The following DCK variants were observed in gnomAD, a reference collection of about 807,000 sequenced individuals.
The protein encoded by DCK is deoxycytidine kinase, also known as deoxyadenosine kinase.
Under a neutral mutation model 38.3 loss-of-function variants are expected in DCK, and 23 were observed. That is an observed-to-expected ratio of 0.60 (90% CI 0.43 to 0.85). The LOEUF (loss-of-function observed/expected upper bound fraction) is 0.85, where lower values mean the gene tolerates loss of function less well. Among genes scored for constraint, DCK ranks in the 40% least tolerant of loss-of-function variants. The probability of loss-of-function intolerance (pLI) is 0.00; values close to 1 mark genes in which losing one functional copy is unlikely to be tolerated. For synonymous variants in DCK, 108 were observed against 100.6 expected, an observed-to-expected ratio of 1.07 and a Z score of -0.44; for missense variants, 259 against 304.4, an observed-to-expected ratio of 0.85 and a Z score of 1.11.
chr4:71,022,338 TTTTA>T (rs1425220997), intron 2 of DCK, 25 bp from the exon 3 acceptor site: 10 of 1,403,014 alleles, frequency 7.1e-6, no homozygotes, highest in African/African-American at 1.5e-5. Context: ...TAATTTTGCT[TTTTA>T]TTTCTTTTTG....
intron 2 of DCK, among the ~76,000 whole-genome samples, chr4:71,011,517 C>T (rs894619843): frequency 2.0e-4 from 30 of 152,050 alleles, no homozygotes; most frequent in Non-Finnish European, 3.1e-4. Context: ...CCAACATGCC[C>T]GGCTAATTTT....
At chr4:71,011,611 G>A (rs1740092982) in intron 2 of DCK, among the ~76,000 whole-genome samples, 1 of 152,152 alleles carries the variant, frequency 6.6e-6, no homozygotes. Context: ...GCCTGCCTCG[G>A]CCTCCCAAAG....
At chr4:71,016,833 G>C (rs2148917384) in intron 2 of DCK, among the ~76,000 whole-genome samples, 1 of 152,258 alleles carries the variant, frequency 6.6e-6, no homozygotes, top group South Asian at 2.1e-4. Flanking sequence ...AAAAACCCTA[G>C]AAGAAAACCT....
In DCK at chr4:70,993,752, C is replaced by T. The variant is rs1012800657; in HGVS notation, c.-84C>T. 1.2e-5 allele frequency: 11 copies of T among 909,632 alleles called. No individual in the cohort carries two copies. The African/African-American group carries it at 1.3e-4, about 11-fold the overall frequency. 56.3% of individuals were successfully genotyped at this position (909,632 alleles called of 1,614,324 possible). On this transcript the variant is annotated 5_prime_UTR_variant, in exon 1 of 7. Transcript: ENST00000286648. ...GGCAGGTCAGGATCTGGCTTAGCGG[C>T]GCCGCGAGCTCCAGTGCGCGCACCC...
At chr4:70,996,304 C>T (rs1209355928) in intron 1 of DCK, among the ~76,000 whole-genome samples, 4 of 151,846 alleles carry the variant, frequency 2.6e-5, no homozygotes, top group Non-Finnish European at 5.9e-5. Flanking sequence ...TTGAGGCTGC[C>T]GTGAGCTGTG....
intron 2 of DCK, among the ~76,000 whole-genome samples, chr4:71,008,838 A>G (rs1028415210): frequency 2.0e-5 from 3 of 152,242 alleles, no homozygotes; most frequent in Non-Finnish European, 4.4e-5. Flanking sequence ...AATTGAATTT[A>G]GATCAGTTTA....
Position 71,014,787 on chromosome 4 carries a change from T to C in DCK, c.208-7580T>C, listed in dbSNP as rs1740211690. 3.3e-5 allele frequency among the ~76,000 whole-genome samples: 5 copies of C among 152,116 alleles called. No individual in the cohort carries two copies. In the South Asian group the frequency reaches 8.3e-4, roughly 25 times the overall value. On this transcript the variant is annotated intron_variant, in intron 2 of 6. Coordinates refer to ENST00000286648, the MANE Select transcript of DCK (RefSeq NM_000788.3). ...TTTAAAGCAGTGTGTAGAGGGAAAT[T>C]TATAGCACTAAATGCCCACAAGATA...
chr4:71,013,222 A>G (rs1211314916), intron 2 of DCK, among the ~76,000 whole-genome samples: 2 of 152,248 alleles, frequency 1.3e-5, no homozygotes, highest in African/African-American at 2.4e-5. Context: ...AAGAGTAAAA[A>G]GAAATGAACA....
chr4:70,999,184 C>T (rs1011201198), intron 2 of DCK, among the ~76,000 whole-genome samples: 2 of 152,010 alleles, frequency 1.3e-5, no homozygotes, highest in South Asian at 2.1e-4. Flanking sequence ...CCTACCCCAC[C>T]GACAGGCCCT....
chr4:71,006,246 G>T lies in DCK; in HGVS notation c.207+8064G>T, dbSNP rs28715337. The T allele has an allele frequency of 2.5e-3, 1,217 of 492,328 alleles. 8 individuals carry two copies. Among genetic ancestry groups the T allele is most frequent in the African/African-American group, 0.012 (567 of 45,930 alleles). 30.5% of individuals were successfully genotyped at this position (492,328 alleles called of 1,614,324 possible). A position where few individuals can be genotyped will look rare whatever the true frequency, so the allele number is the denominator to read the frequency against. ...CTCATTTCTTTTTACTTTCATTCTT[G>T]CCAGACTTTCACTCTGGGCAGAAGT... On this transcript the variant is annotated intron_variant, in intron 2 of 6. Transcript: ENST00000286648.
Position 71,007,739 on chromosome 4 carries a change from C to T in DCK, c.207+9557C>T, listed in dbSNP as rs1235668445. On this transcript the variant is annotated intron_variant, in intron 2 of 6. Coordinates refer to ENST00000286648, the MANE Select transcript of DCK (RefSeq NM_000788.3). ...TTTAAAAATATTCTTTTTTTTGAGA[C>T]AGGATTTCACTCTGTTGCCCAGGTA... Among the ~76,000 whole-genome samples, 3 of 152,042 alleles carry T rather than the reference C, an allele frequency of 2.0e-5. No homozygotes were observed. In the East Asian group the frequency reaches 5.8e-4, roughly 29 times the overall value.
chr4:70,998,785 G>A (rs1273019691), intron 2 of DCK, among the ~76,000 whole-genome samples: 2 of 151,944 alleles, frequency 1.3e-5, no homozygotes, highest in African/African-American at 2.4e-5. Flanking sequence ...TTAGCTGAAC[G>A]TGGTGGTGGG....
chr4:71,016,645 C>T (rs909515321), intron 2 of DCK, among the ~76,000 whole-genome samples: 5 of 152,170 alleles, frequency 3.3e-5, no homozygotes, highest in African/African-American at 7.2e-5. Flanking sequence ...CTACAACCAT[C>T]TGATCTTTGA....
In DCK at chr4:71,022,324, C is replaced by T. The variant is rs769535869; in HGVS notation, c.208-43C>T. 10 of 1,127,192 alleles carry T rather than the reference C, an allele frequency of 8.9e-6. No individual in the cohort carries two copies. In the African/African-American group the frequency reaches 1.4e-4, roughly 16 times the overall value. 69.8% of individuals were successfully genotyped at this position (1,127,192 alleles called of 1,614,324 possible). A position where few individuals can be genotyped will look rare whatever the true frequency, so the allele number is the denominator to read the frequency against. The stretch of plus-strand genomic sequence containing the variant: ...TTAAAAATTAAAATAGCCCTATTGA[C>T]CATTAATTTTGCTTTTTATTTCTTT... On this transcript the variant is annotated intron_variant, in intron 2 of 6. Coordinates refer to ENST00000286648, the MANE Select transcript of DCK (RefSeq NM_000788.3).
intron 2 of DCK, among the ~76,000 whole-genome samples, chr4:70,998,753 G>T (rs773462722): frequency 1.3e-5 from 2 of 151,990 alleles, no homozygotes; most frequent in Non-Finnish European, 2.9e-5. Context: ...GTGAAATGCC[G>T]TCTCTACTAA....
At chr4:71,028,644 G>A (rs569806471) in intron 6 of DCK, 25 of 441,930 alleles carry the variant, frequency 5.7e-5, no homozygotes, top group South Asian at 3.7e-4. Flanking sequence ...CGCCCAGGCT[G>A]GAGTGCAATG....
At chr4:70,998,208 A>G (rs1448615605) in intron 2 of DCK, 26 bp downstream of exon 2, 4 of 1,184,210 alleles carry the variant, frequency 3.4e-6, no homozygotes, top group Non-Finnish European at 5.0e-6. Context: ...TTAAGTAGAT[A>G]AAAGCCTCTT....
At chr4:71,019,062 A>G (rs1740344512) in intron 2 of DCK, among the ~76,000 whole-genome samples, 1 of 152,180 alleles carries the variant, frequency 6.6e-6, no homozygotes, top group Admixed American at 6.5e-5. Context: ...TCAAAAGAAA[A>G]TGTTTTATAT....
intron 6 of DCK, among the ~76,000 whole-genome samples, chr4:71,027,333 A>G (rs1331508539): frequency 1.3e-5 from 2 of 152,120 alleles, no homozygotes; most frequent in Non-Finnish European, 2.9e-5. Flanking sequence ...GACATTACTT[A>G]ATCATTGAGT....
Sources: gnomAD v4.1 joint callset for allele counts (sites outside exome capture counted in the v4.1 genomes callset) on GRCh38, gnomAD v4.1.1 for gene constraint, MANE v1.5 for transcripts, NCBI Gene and HGNC (gene_info 2026-07-23, HGNC 2026-07-21) for gene names.